DPYD: variants seen among roughly 807,000 people sequenced by gnomAD.
The protein encoded by DPYD is dihydropyrimidine dehydrogenase.
A neutral mutation model predicts 116.2 loss-of-function variants in DPYD; 109 were observed. The ratio of observed to expected loss-of-function variants is 0.94; its 90% CI spans 0.80 to 1.10. The LOEUF (loss-of-function observed/expected upper bound fraction) is 1.10. DPYD is among the 50% of genes least tolerant of loss of function. DPYD has a pLI of 0.00. For missense variants in DPYD, 1,302 were observed against 1,254.5 expected (o/e 1.04, Z -0.57); for synonymous variants, 440 against 432.0 (o/e 1.02, Z -0.23).
chr1:97,916,034 G>C (rs1674194329), intron 1 of DPYD, among the ~76,000 whole-genome samples: 1 of 152,098 alleles, frequency 6.6e-6, no homozygotes, highest in African/African-American at 2.4e-5. Context: ...TTCAGCCCTT[G>C]TGTTGTTGCC....
At chr1:97,424,409 A>G (rs1674751473) in intron 14 of DPYD, among the ~76,000 whole-genome samples, 1 of 151,874 alleles carries the variant, frequency 6.6e-6, no homozygotes, top group South Asian at 2.1e-4. Context: ...CTACTGGGAA[A>G]GGAAACATAG....
intron 20 of DPYD, among the ~76,000 whole-genome samples, chr1:97,120,225 C>A (rs1397373359): frequency 6.6e-6 from 1 of 152,188 alleles, no homozygotes; most frequent in East Asian, 1.9e-4. Context: ...AATAGCCTTG[C>A]AGAACCTTTG....
chr1:97,660,400 TC>T (rs1441017030), intron 8 of DPYD, among the ~76,000 whole-genome samples: 3 of 152,160 alleles, frequency 2.0e-5, no homozygotes, highest in African/African-American at 7.2e-5. Context: ...AAAGGTATCA[TC>T]CCTAGTTGTT....
chr1:97,099,899 T>G (rs1440942868), intron 20 of DPYD, among the ~76,000 whole-genome samples: 1 of 152,130 alleles, frequency 6.6e-6, no homozygotes, highest in East Asian at 1.9e-4. Flanking sequence ...GTAATTCATG[T>G]TAGCAAAGAA....
intron 20 of DPYD, among the ~76,000 whole-genome samples, chr1:97,167,586 A>T (rs1283730673): frequency 1.3e-5 from 2 of 152,198 alleles, no homozygotes; most frequent in Non-Finnish European, 2.9e-5. Flanking sequence ...TGGTGAAAAG[A>T]CTGAATTACA....
At chr1:97,751,220 C>A (rs1198360231) in intron 3 of DPYD, among the ~76,000 whole-genome samples, 2 of 150,666 alleles carry the variant, frequency 1.3e-5, no homozygotes, top group Non-Finnish European at 3.0e-5. Context: ...TTACTGGAAC[C>A]TACTTAGAAG....
chr1:97,584,716 G>T (rs1216253507), intron 10 of DPYD, among the ~76,000 whole-genome samples: 2 of 146,038 alleles, frequency 1.4e-5, no homozygotes, highest in Non-Finnish European at 3.0e-5. Flanking sequence ...GCCAAACACT[G>T]CATGTTCTCA....
intron 8 of DPYD, among the ~76,000 whole-genome samples, chr1:97,631,505 CA>C (rs1250308964): frequency 3.3e-5 from 5 of 151,884 alleles, no homozygotes; most frequent in African/African-American, 1.2e-4. Flanking sequence ...TATGTGAACC[CA>C]ATCTGAGAAA....
intron 14 of DPYD, among the ~76,000 whole-genome samples, chr1:97,445,027 T>C (rs989770476): frequency 6.6e-6 from 1 of 152,150 alleles, no homozygotes; most frequent in South Asian, 2.1e-4. Context: ...CCTCTGCACT[T>C]GAATAAACTG....
chr1:97,679,763 G>A (rs1166407629), intron 7 of DPYD, among the ~76,000 whole-genome samples: 8 of 152,064 alleles, frequency 5.3e-5, no homozygotes, highest in African/African-American at 1.9e-4. Flanking sequence ...CCTAGTAAAA[G>A]TCACAATGCT....
At chr1:97,913,189 T>G (rs892540315) in intron 1 of DPYD, among the ~76,000 whole-genome samples, 1 of 152,134 alleles carries the variant, frequency 6.6e-6, no homozygotes, top group Non-Finnish European at 1.5e-5. Flanking sequence ...TTTAGCTACT[T>G]CATCAGATTA....
At chr1:97,597,242 C>A (rs970001582) in intron 8 of DPYD, among the ~76,000 whole-genome samples, 2 of 152,166 alleles carry the variant, frequency 1.3e-5, no homozygotes, top group South Asian at 2.1e-4. Context: ...TTTAGCCACA[C>A]CCCAGGTCAC....
At chr1:97,160,327 G>C (rs556017382) in intron 20 of DPYD, among the ~76,000 whole-genome samples, 1 of 39,728 alleles carries the variant, frequency 2.5e-5, no homozygotes, top group Non-Finnish European at 4.6e-5. Flanking sequence ...CACTTGAAAT[G>C]CAAGATGGAA....
intron 20 of DPYD, among the ~76,000 whole-genome samples, chr1:97,189,022 G>GT (rs2101815246): frequency 6.6e-6 from 1 of 152,256 alleles, no homozygotes; most frequent in Admixed American, 6.5e-5. Context: ...GGTAAGTCAA[G>GT]TGATTACTAA....
At position 97,163,219 on chromosome 1, in the gene DPYD, C is replaced by T. The variant is rs189529967; in HGVS notation, c.2622+29850G>A. 1.2e-4 allele frequency among the ~76,000 whole-genome samples: 19 copies of T among 152,222 alleles called. No individual in the cohort carries two copies. In the East Asian group the frequency reaches 2.1e-3, roughly 17 times the overall value. On this transcript the variant is annotated intron_variant, in intron 20 of 22. Transcript: ENST00000370192. ...GACCTACAAAATGGGAGAAAATTTTCGCAACCTACTTATCTGACAAAGGGC... is the reference window on the plus strand; with the variant it reads ...GACCTACAAAATGGGAGAAAATTTTTGCAACCTACTTATCTGACAAAGGGC...
chr1:97,334,159 T>G (rs1414276453), intron 16 of DPYD, among the ~76,000 whole-genome samples: 1 of 152,200 alleles, frequency 6.6e-6, no homozygotes, highest in Non-Finnish European at 1.5e-5. Context: ...CTCATGAATA[T>G]CTAAGTCTCA....
At chr1:97,594,197 A>C (rs1654719099) in intron 9 of DPYD, among the ~76,000 whole-genome samples, 1 of 152,184 alleles carries the variant, frequency 6.6e-6, no homozygotes, top group African/African-American at 2.4e-5. Flanking sequence ...ATAAACCTAT[A>C]ATTTCAATAA....
At chr1:97,289,470 A>G (rs982984083) in intron 18 of DPYD, among the ~76,000 whole-genome samples, 1 of 152,012 alleles carries the variant, frequency 6.6e-6, no homozygotes, top group Non-Finnish European at 1.5e-5. Context: ...CCAGCAGCAC[A>G]TCAAAAAGCT....
chr1:97,457,084 G>T (rs554775568), intron 13 of DPYD, among the ~76,000 whole-genome samples: 2 of 152,190 alleles, frequency 1.3e-5, no homozygotes, highest in South Asian at 4.1e-4. Flanking sequence ...GATACTCTAC[G>T]TAAGCAGGGA....
Sources: gnomAD v4.1 joint callset for allele counts (sites outside exome capture counted in the v4.1 genomes callset) on GRCh38, gnomAD v4.1.1 for gene constraint, MANE v1.5 for transcripts, NCBI Gene and HGNC (gene_info 2026-07-23, HGNC 2026-07-21) for gene names.